The following EEF1AKMT2 variants were observed in gnomAD, a reference collection of about 807,000 sequenced individuals.
The protein encoded by EEF1AKMT2 is EEF1A lysine methyltransferase 2.
Under a neutral mutation model 35.8 loss-of-function variants are expected in EEF1AKMT2, and 32 were observed. The observed-to-expected ratio is 0.89, with a 90% CI of 0.67 to 1.20. EEF1AKMT2 has a LOEUF of 1.20. Among genes scored for constraint, EEF1AKMT2 ranks in the 50% most tolerant of loss-of-function variants. EEF1AKMT2 has a pLI of 0.00. For missense variants in EEF1AKMT2, 330 were observed against 347.5 expected, an observed-to-expected ratio of 0.95 and a Z score of 0.40; for synonymous variants, 121 against 133.7, an observed-to-expected ratio of 0.91 and a Z score of 0.65.
At chr10:124,771,224 C>G (rs1182978353) in intron 4 of EEF1AKMT2, among the ~76,000 whole-genome samples, 1 of 152,020 alleles carries the variant, frequency 6.6e-6, no homozygotes, top group Non-Finnish European at 1.5e-5. Context: ...CTCAGCCTCC[C>G]AAGTAGCTGA....
At chr10:124,779,138 T>C (rs1440429743) in intron 3 of EEF1AKMT2, among the ~76,000 whole-genome samples, 1 of 151,846 alleles carries the variant, frequency 6.6e-6, no homozygotes, top group East Asian at 1.9e-4. Context: ...AATCTTTTTC[T>C]TTTTTTTATG....
chr10:124,778,705 G>A (rs1195148515), intron 3 of EEF1AKMT2, among the ~76,000 whole-genome samples: 4 of 149,086 alleles, frequency 2.7e-5, no homozygotes, highest in East Asian at 2.0e-4. Flanking sequence ...CCTGGGTGAC[G>A]GCGTGAGACT....
intron 3 of EEF1AKMT2, among the ~76,000 whole-genome samples, chr10:124,785,240 C>A (rs917845948): frequency 2.0e-5 from 2 of 98,306 alleles, no homozygotes; most frequent in East Asian, 5.8e-4. Flanking sequence ...GAGCAAGACT[C>A]CGTCTCAAAA....
At chr10:124,791,282 A>C (rs1266995696) in intron 1 of EEF1AKMT2, among the ~76,000 whole-genome samples, 2 of 151,890 alleles carry the variant, frequency 1.3e-5, no homozygotes, top group African/African-American at 2.4e-5. Flanking sequence ...GCCTCGGGTC[A>C]TCCGCTATTC....
At chr10:124,778,180 AAC>A (rs1202454816) in intron 3 of EEF1AKMT2, among the ~76,000 whole-genome samples, 3 of 150,886 alleles carry the variant, frequency 2.0e-5, no homozygotes, top group African/African-American at 7.4e-5. Flanking sequence ...AGACAATTTT[AAC>A]ACACAGTCTA....
At chr10:124,785,368 G>T (rs1439278184) in intron 3 of EEF1AKMT2, among the ~76,000 whole-genome samples, 1 of 150,224 alleles carries the variant, frequency 6.7e-6, no homozygotes, top group Non-Finnish European at 1.5e-5. Context: ...TACAACAAAA[G>T]CATGATCCAA....
intron 4 of EEF1AKMT2, among the ~76,000 whole-genome samples, chr10:124,769,792 CA>C (rs1341688612): frequency 6.7e-6 from 1 of 149,996 alleles, no homozygotes; most frequent in Non-Finnish European, 1.5e-5. Flanking sequence ...ACTAAAAATA[CA>C]AAAATTAGCC....
intron 2 of EEF1AKMT2, among the ~76,000 whole-genome samples, 174 bp downstream of exon 2, chr10:124,790,099 C>T (rs559249051): frequency 1.3e-5 from 2 of 152,216 alleles, no homozygotes; most frequent in Admixed American, 1.3e-4. Flanking sequence ...TTCACCATGT[C>T]GGCCAGGATG....
chr10:124,757,166 C>CCACACACACACACA (rs55709011), downstream of EEF1AKMT2, among the ~76,000 whole-genome samples: 929 of 143,254 alleles, frequency 6.5e-3, 17 homozygotes, highest in African/African-American at 0.019. Context: ...ACACTCCCTC[C>CCACACACACACACA]CACACACACA....
At chr10:124,773,302 A>C (rs902095877) in intron 4 of EEF1AKMT2, among the ~76,000 whole-genome samples, 1 of 151,914 alleles carries the variant, frequency 6.6e-6, no homozygotes, top group African/African-American at 2.4e-5. Context: ...GGTTCAGGCA[A>C]TCCTCCTGCC....
chr10:124,782,727 C>T (rs1204487266), intron 3 of EEF1AKMT2, among the ~76,000 whole-genome samples: 1 of 150,076 alleles, frequency 6.7e-6, no homozygotes, highest in Non-Finnish European at 1.5e-5. Context: ...GCAGGAGAAT[C>T]ACTTGAACCC....
chr10:124,783,734 T>A (rs1950562508), intron 3 of EEF1AKMT2, among the ~76,000 whole-genome samples: 1 of 152,142 alleles, frequency 6.6e-6, no homozygotes, highest in Admixed American at 6.5e-5. Context: ...AGCCTCGACC[T>A]CCTCAGGCTC....
chr10:124,768,927 T>C (rs954028371), intron 4 of EEF1AKMT2, among the ~76,000 whole-genome samples: 3 of 151,686 alleles, frequency 2.0e-5, no homozygotes, highest in African/African-American at 7.3e-5. Context: ...ACATTCTTGA[T>C]ATATTTTGAA....
intron 5 of EEF1AKMT2, among the ~76,000 whole-genome samples, chr10:124,763,058 G>A (rs550182988): frequency 2.2e-4 from 34 of 152,226 alleles, no homozygotes; most frequent in African/African-American, 6.3e-4. Flanking sequence ...ATGTGTTGAC[G>A]TTATTGATAT....
intron 3 of EEF1AKMT2, among the ~76,000 whole-genome samples, chr10:124,775,503 A>G (rs1398743276): frequency 6.6e-6 from 1 of 152,108 alleles, no homozygotes; most frequent in Non-Finnish European, 1.5e-5. Flanking sequence ...TTTTTAGACC[A>G]ATGAGACTAA....
At chr10:124,777,260 C>T (rs1950495203) in intron 3 of EEF1AKMT2, among the ~76,000 whole-genome samples, 3 of 124,350 alleles carry the variant, frequency 2.4e-5, no homozygotes, top group African/African-American at 9.0e-5. Context: ...GCCTGGGCTA[C>T]AAGAGCAAAA....
rs1950372218 is a variant in EEF1AKMT2, at chr10:124,765,585, G to A, written c.423C>T (p.Ser141=). 6.2e-7 allele frequency: 1 copy of A among 1,613,552 alleles called. No individual in the cohort carries two copies. The highest frequency in any genetic ancestry group is 8.5e-7 in the Non-Finnish European group (1 of 1,179,866). The change falls in exon 5 of 7, where the codon TCC becomes TCT. Residue 141 remains serine, a synonymous_variant. Transcript: ENST00000368836. ...AAATATGAAATCCAGACAGCTGTGTGGAGAGATTCAAAAAGTCTTCTACCT... is the reference window on the plus strand; with the variant it reads ...AAATATGAAATCCAGACAGCTGTGTAGAGAGATTCAAAAAGTCTTCTACCT... The part of the protein sequence containing the change: ...KLKVEDFLNL[S]TQLSGFHICI...
Position 124,760,454 on chromosome 10 carries a change from G to T in EEF1AKMT2, c.*49C>A. The stretch of plus-strand genomic sequence containing the variant: ...ATGCTGCTACACTGTTTCCAGATCT[G>T]CCTCCAAAGCTGAACTTGGGTGTTG... On this transcript the variant is annotated 3_prime_UTR_variant, in exon 7 of 7. Transcript: ENST00000368836. 2 of 1,613,838 alleles carry T rather than the reference G, an allele frequency of 1.2e-6. No homozygotes were observed. Among genetic ancestry groups the T allele is most frequent in the Non-Finnish European group, 1.7e-6 (2 of 1,179,798 alleles).
At chr10:124,776,930 C>G (rs923399800) in intron 3 of EEF1AKMT2, among the ~76,000 whole-genome samples, 1 of 151,766 alleles carries the variant, frequency 6.6e-6, no homozygotes, top group Admixed American at 6.6e-5. Context: ...GAAAATATCC[C>G]TGTTATACAC....
Sources: allele counts gnomAD v4.1 joint callset (sites outside exome capture counted in the v4.1 genomes callset), GRCh38; gene constraint gnomAD v4.1.1; transcripts MANE v1.5; gene names NCBI Gene and HGNC (gene_info 2026-07-23, HGNC 2026-07-21).